DISP2: variants seen among roughly 807,000 people sequenced by gnomAD.
DISP2 encodes protein dispatched homolog 2.
A neutral mutation model predicts 95.5 loss-of-function variants in DISP2; 59 were observed. The ratio of observed to expected loss-of-function variants is 0.62; its 90% confidence interval spans 0.50 to 0.77. The LOEUF is 0.77. Ranked by LOEUF, DISP2 falls within the 30% of genes least tolerant of loss-of-function variation. DISP2 has a pLI of 0.00. For synonymous variants in DISP2, 827 were observed against 815.0 expected (o/e 1.01, Z -0.25); for missense variants, 1,752 against 1,854.6 (o/e 0.94, Z 1.02).
At position 40,372,862 on chromosome 15, in the gene DISP2, C is replaced by G. The variant is rs1420570744; in HGVS notation, c.*2544C>G. 1 of 152,162 alleles carries G rather than the reference C, an allele frequency of 6.6e-6. No homozygotes were observed. The highest frequency in any genetic ancestry group is 2.4e-5 in the African/African-American group (1 of 41,418). The allele number at this position is 152,162 out of a possible 1,614,324, so 9.4% of individuals were successfully genotyped here. On this transcript the variant is annotated 3_prime_UTR_variant, in exon 8 of 8. Transcript: ENST00000267889. ...TGGGCATGAGGGATCTGAGCACACCCGAGGGCCCTACCTGGGGATTTCCAG... is the reference window on the plus strand; with the variant it reads ...TGGGCATGAGGGATCTGAGCACACCGGAGGGCCCTACCTGGGGATTTCCAG...
In DISP2 at chr15:40,368,088, G is replaced by A. The variant is rs1268317478; in HGVS notation, c.1976G>A (p.Arg659Gln). Residue 659 changes from arginine (R) to glutamine (Q), a missense_variant, in exon 8 of 8, where the codon CGG becomes CAG. Around this residue, in one of 5 missense-constraint regions of DISP2, gnomAD observed 732 missense variants for 714.6 expected, o/e 1.02. Coordinates refer to ENST00000267889, the MANE Select transcript of DISP2 (RefSeq NM_033510.3). ...ARGCARRARG[R>Q]WEGSAPRRLL... is the part of the protein sequence containing the mutation. ...GGCTGTGCGCGCCGGGCGCGGGGCC[G>A]GTGGGAGGGCAGCGCGCCCCGGCGG... is the stretch of plus-strand genomic sequence containing the variant. The A allele has an allele frequency of 1.5e-6, 2 of 1,378,010 alleles. No homozygotes were observed. Among genetic ancestry groups the A allele is most frequent in the Non-Finnish European group, 1.9e-6 (2 of 1,076,012 alleles). The allele number at this position is 1,378,010 out of a possible 1,614,324, so 85.4% of individuals were successfully genotyped here.
In DISP2 at chr15:40,370,096, T is replaced by C. The variant is rs1290910221; in HGVS notation, c.3984T>C (p.Leu1328=). Residue 1328 remains leucine (L), a synonymous_variant, in exon 8 of 8, where the codon CTT becomes CTC. Coordinates refer to ENST00000267889, the MANE Select transcript of DISP2 (RefSeq NM_033510.3). ...DDLDDTGQPV[L]ERGQLNGKRD... ...TGGATGACACTGGGCAGCCAGTCCT[T>C]GAGCGAGGCCAGCTCAATGGGAAGC... is the stretch of plus-strand genomic sequence containing the variant. 6.2e-7 allele frequency: 1 copy of C among 1,611,724 alleles called. No individual in the cohort carries two copies. Among genetic ancestry groups the C allele is most frequent in the Admixed American group, 1.7e-5 (1 of 59,794 alleles).
rs1462090380 is a variant in DISP2, at chr15:40,368,206, C to G, written c.2094C>G (p.Gly698=). The part of the protein sequence containing the change: ...RLLFQRLLPC[G]VIKFRYIWIC... ...TCTTCCAGCGCCTGCTGCCCTGCGG[C>G]GTCATCAAGTTCCGCTACATCTGGA... is the stretch of plus-strand genomic sequence containing the variant. The change falls in exon 8 of 8, where the codon GGC becomes GGG. Residue 698 remains glycine (G), a synonymous_variant. Coordinates refer to ENST00000267889, the MANE Select transcript of DISP2 (RefSeq NM_033510.3). 6.2e-7 allele frequency: 1 copy of G among 1,608,958 alleles called. No homozygotes were observed. Among genetic ancestry groups the G allele is most frequent in the South Asian group, 1.1e-5 (1 of 90,968 alleles).
chr15:40,369,208 C>G lies in DISP2; in HGVS notation c.3096C>G (p.Phe1032Leu). ...CCTCAGTGGGCCTCTCAGTAGACTT[C>G]ACTGTCAACTACTGCATCTCCTATC... ...LSASVGLSVDFTVNYCISYHL... is the reference protein window; with the variant it reads ...LSASVGLSVDLTVNYCISYHL... The change falls in exon 8 of 8, where the codon TTC (phenylalanine) becomes TTG (leucine). Residue 1032 changes from phenylalanine to leucine, a missense_variant. Physicochemically the swap from Phe to Leu is conservative, Grantham distance 22. Coordinates refer to ENST00000267889, the MANE Select transcript of DISP2 (RefSeq NM_033510.3). The G allele has an allele frequency of 6.2e-7, 1 of 1,613,936 alleles. No homozygotes were observed. Among genetic ancestry groups the G allele is most frequent in the Non-Finnish European group, 8.5e-7 (1 of 1,180,044 alleles).
chr15:40,364,490 C>CA lies in DISP2; in HGVS notation c.550dup (p.Thr184AsnfsTer21). ...TGTGTCTGGCTGTCATCTTCCTCTG[C>CA]ACCCTGGCTGGACTGTTGGGGGCCC... On this transcript the variant is annotated frameshift_variant, in exon 4 of 8. Transcript: ENST00000267889. LOFTEE classifies it high-confidence loss of function. 1.9e-6 allele frequency: 3 copies of CA among 1,614,064 alleles called. No individual in the cohort carries two copies. Among genetic ancestry groups the CA allele is most frequent in the Non-Finnish European group, 2.5e-6 (3 of 1,180,044 alleles).
chr15:40,369,058 C>G lies in DISP2; in HGVS notation c.2946C>G (p.Gly982=). 1 of 1,614,068 alleles carries G rather than the reference C, an allele frequency of 6.2e-7. No individual in the cohort carries two copies. Among genetic ancestry groups the G allele is most frequent in the Non-Finnish European group, 8.5e-7 (1 of 1,180,054 alleles). The change falls in exon 8 of 8, where the codon GGC becomes GGG. Residue 982 remains glycine (G), a synonymous_variant. Transcript: ENST00000267889. ...LALAFATLLL[G]TWNVPLSLFS... ...TGGCCTTTGCCACACTGCTCCTGGG[C>G]ACCTGGAATGTTCCCCTCAGCCTAT...
In DISP2 at chr15:40,368,449, G is replaced by T. The variant is rs1889557600; in HGVS notation, c.2337G>T (p.Leu779=). ...HMPVVLVWGV[L]PVDTGDPLDP... ...CCGTGGTTTTGGTGTGGGGCGTCCTGCCTGTGGACACTGGCGACCCTCTGG... is the reference window on the plus strand; with the variant it reads ...CCGTGGTTTTGGTGTGGGGCGTCCTTCCTGTGGACACTGGCGACCCTCTGG... Residue 779 remains leucine (L), a synonymous_variant, in exon 8 of 8, where the codon CTG becomes CTT. Coordinates refer to ENST00000267889, the MANE Select transcript of DISP2 (RefSeq NM_033510.3). 1.9e-6 allele frequency: 3 copies of T among 1,609,692 alleles called. No individual in the cohort carries two copies. In the East Asian group the frequency reaches 6.7e-5, roughly 36 times the overall value.
intron 1 of DISP2, among the ~76,000 whole-genome samples, chr15:40,362,752 C>T (rs551002699): frequency 1.3e-5 from 2 of 152,110 alleles, no homozygotes; most frequent in Non-Finnish European, 2.9e-5. Flanking sequence ...AAAAAGAGGG[C>T]CATGCAGTTA....
At chr15:40,363,224 A>G (rs1183068319) in intron 1 of DISP2, among the ~76,000 whole-genome samples, 1 of 151,452 alleles carries the variant, frequency 6.6e-6, no homozygotes, top group Non-Finnish European at 1.5e-5. Flanking sequence ...AGGCAGGAGA[A>G]TGGCTTGAAC....
chr15:40,370,165 A>G lies in DISP2; in HGVS notation c.4053A>G (p.Pro1351=). ...WLALRETVYD[P]SLPASHHSSL... is the part of the protein sequence containing the mutation. ...CGCTGAGGGAGACAGTGTATGACCCATCATTGCCCGCTTCCCATCACAGCA... is the reference window on the plus strand; with the variant it reads ...CGCTGAGGGAGACAGTGTATGACCCGTCATTGCCCGCTTCCCATCACAGCA... The change falls in exon 8 of 8, where the codon CCA becomes CCG. Residue 1351 remains proline (P), a synonymous_variant. Coordinates refer to ENST00000267889, the MANE Select transcript of DISP2 (RefSeq NM_033510.3). 6.2e-7 allele frequency: 1 copy of G among 1,612,168 alleles called. No homozygotes were observed. Among genetic ancestry groups the G allele is most frequent in the Non-Finnish European group, 8.5e-7 (1 of 1,179,276 alleles).
rs1017573111 is a variant in DISP2, at chr15:40,370,847, C to G, written c.*529C>G. On this transcript the variant is annotated 3_prime_UTR_variant, in exon 8 of 8. Transcript: ENST00000267889. ...TCTCTGGGCAGAATTGGGCTGGGAC[C>G]TCTCTCCCCAACTGCCCTGCTCTCC... The G allele has an allele frequency of 3.0e-6, 1 of 335,118 alleles. No homozygotes were observed. Among genetic ancestry groups the G allele is most frequent in the East Asian group, 7.6e-5 (1 of 13,176 alleles). The allele number at this position is 335,118 out of a possible 1,614,324, so 20.8% of individuals were successfully genotyped here.
In DISP2 at chr15:40,368,483, A is replaced by C; in HGVS notation, c.2371A>C (p.Ser791Arg). The change falls in exon 8 of 8, where the codon AGC becomes CGC. Residue 791 changes from serine to arginine, a missense_variant. This residue lies in a region of DISP2 where 732 missense variants were observed against 714.6 expected (regional missense o/e 1.02). Transcript: ENST00000267889. ...VDTGDPLDPR[S>R]NSSLVRDPAF... ...CACTGGCGACCCTCTGGACCCTCGT[A>C]GCAACAGCAGCCTGGTGAGGGACCC... 6.2e-7 allele frequency: 1 copy of C among 1,608,702 alleles called. No individual in the cohort carries two copies. The highest frequency in any genetic ancestry group is 1.3e-5 in the African/African-American group (1 of 75,036).
In DISP2 at chr15:40,364,260, G is replaced by A; in HGVS notation, c.479+5G>A. 1 of 1,614,170 alleles carries A rather than the reference G, an allele frequency of 6.2e-7. No homozygotes were observed. Among genetic ancestry groups the A allele is most frequent in the Non-Finnish European group, 8.5e-7 (1 of 1,180,040 alleles). The stretch of plus-strand genomic sequence containing the variant: ...AGCCTTCCAGATGCCAAAGAGGTAG[G>A]CCTGGGCCTTCCCTGGACCTCTAGG... On this transcript the variant is annotated splice_donor_5th_base_variant and intron_variant, in intron 3 of 7. Coordinates refer to ENST00000267889, the MANE Select transcript of DISP2 (RefSeq NM_033510.3).
At position 40,368,986 on chromosome 15, in the gene DISP2, C is replaced by G. The variant is rs995286548; in HGVS notation, c.2874C>G (p.His958Gln). Residue 958 changes from histidine to glutamine, a missense_variant, in exon 8 of 8, where the codon CAC (histidine) becomes CAG (glutamine). By Grantham distance (24) the His-to-Gln change is conservative. Around this residue, in one of 5 missense-constraint regions of DISP2, gnomAD observed 317 missense variants for 394.9 expected, o/e 0.80. Transcript: ENST00000267889. ...GTCTAGAGCTGTATAGCCTGCAGCACAGCCTGAGCACTGAGCCTGCTGTGG... is the reference window on the plus strand; with the variant it reads ...GTCTAGAGCTGTATAGCCTGCAGCAGAGCCTGAGCACTGAGCCTGCTGTGG... ...TSRLELYSLQ[H>Q]SLSTEPAVVL... 1 of 1,614,028 alleles carries G rather than the reference C, an allele frequency of 6.2e-7. No individual in the cohort carries two copies.
In DISP2 at chr15:40,369,850, C is replaced by G; in HGVS notation, c.3738C>G (p.Thr1246=). Residue 1246 remains threonine (T), a synonymous_variant, in exon 8 of 8, where the codon ACC becomes ACG. Transcript: ENST00000267889. The part of the protein sequence containing the change: ...PYKQAGPSPK[T]RARQDSQGEE... ...AGCAGGCTGGCCCCAGCCCCAAAAC[C>G]CGGGCCAGGCAGGACTCCCAAGGGG... The G allele has an allele frequency of 6.4e-7, 1 of 1,571,110 alleles. No individual in the cohort carries two copies. The highest frequency in any genetic ancestry group is 8.6e-7 in the Non-Finnish European group (1 of 1,156,126).
chr15:40,363,426 G>A (rs959670900), intron 1 of DISP2, among the ~76,000 whole-genome samples, 199 bp from the exon 2 acceptor site: 5 of 152,140 alleles, frequency 3.3e-5, no homozygotes, highest in African/African-American at 9.7e-5. Context: ...GTGAATGAGA[G>A]AATGGTCTCC....
rs1889516602 is a variant in DISP2, at chr15:40,367,389, C to G, written c.1277C>G (p.Thr426Ser). ...AGGGACTTTCTGAGTCCCCAGACCACTGACTACCAGGTGCCTTCCCTCAAG... is the reference window on the plus strand; with the variant it reads ...AGGGACTTTCTGAGTCCCCAGACCAGTGACTACCAGGTGCCTTCCCTCAAG... ...LDRDFLSPQT[T>S]DYQVPSLKYS... Residue 426 changes from threonine (T) to serine (S), a missense_variant, in exon 8 of 8, where the codon ACT (threonine) becomes AGT (serine). This residue lies in a region of DISP2 where 732 missense variants were observed against 714.6 expected (regional missense o/e 1.02). Coordinates refer to ENST00000267889, the MANE Select transcript of DISP2 (RefSeq NM_033510.3). The G allele has an allele frequency of 5.6e-6, 9 of 1,613,640 alleles. No individual in the cohort carries two copies. The highest frequency in any genetic ancestry group is 6.8e-6 in the Non-Finnish European group (8 of 1,179,966).
At position 40,368,541 on chromosome 15, in the gene DISP2, G is replaced by T. The variant is rs755878970; in HGVS notation, c.2429G>T (p.Arg810Leu). The T allele has an allele frequency of 5.4e-5, 87 of 1,604,460 alleles. No individual in the cohort carries two copies. The highest frequency in any genetic ancestry group is 7.0e-5 in the Non-Finnish European group (83 of 1,179,902). Residue 810 changes from arginine (R) to leucine (L), a missense_variant, in exon 8 of 8, where the codon CGC (arginine) becomes CTC (leucine). Arg to Leu is a moderately radical substitution (Grantham distance 102). This residue lies in a region of DISP2 where 732 missense variants were observed against 714.6 expected (regional missense o/e 1.02). Coordinates refer to ENST00000267889, the MANE Select transcript of DISP2 (RefSeq NM_033510.3). ...TCGGCCAGCGGCCCTGAGGCCCAGC[G>T]CTGGCTGCTGGCACTCTGTCACCGG... The part of the protein sequence containing the change: ...AFSASGPEAQ[R>L]WLLALCHRAR...
chr15:40,369,954 G>T lies in DISP2; in HGVS notation c.3842G>T (p.Gly1281Val). Residue 1281 changes from glycine to valine, a missense_variant, in exon 8 of 8, where the codon GGC (glycine) becomes GTC (valine). By Grantham distance (109) the Gly-to-Val change is moderately radical (BLOSUM62 -3). Transcript: ENST00000267889. Reference sequence around the variant, plus strand: ...GCCAAGGCTGCAGATCCTCCTGATGGCTTCTGTTCCTCAGCCAGCACCCTG... The same window carrying T: ...GCCAAGGCTGCAGATCCTCCTGATGTCTTCTGTTCCTCAGCCAGCACCCTG... Reference protein sequence around the residue: ...PKAKAADPPDGFCSSASTLEG... With the variant: ...PKAKAADPPDVFCSSASTLEG... 1.2e-6 allele frequency: 2 copies of T among 1,608,578 alleles called. No homozygotes were observed. Among genetic ancestry groups the T allele is most frequent in the Non-Finnish European group, 1.7e-6 (2 of 1,177,248 alleles).
Sources: allele counts gnomAD v4.1 joint callset (sites outside exome capture counted in the v4.1 genomes callset), GRCh38; gene constraint gnomAD v4.1.1; regional missense constraint gnomAD v4.1.1; transcripts MANE v1.5; gene names NCBI Gene and HGNC (gene_info 2026-07-23, HGNC 2026-07-21).